TENM4: variants seen among roughly 807,000 people sequenced by gnomAD.
TENM4 encodes teneurin-4.
A neutral mutation model predicts 243.3 loss-of-function variants in TENM4; 82 were observed. The ratio of observed to expected loss-of-function variants is 0.34; its 90% confidence interval spans 0.28 to 0.40. The LOEUF is 0.40. TENM4 is among the 10% of genes least tolerant of loss of function. The pLI is 1.00. For missense variants in TENM4, 3,138 were observed against 3,673.3 expected, an observed-to-expected ratio of 0.85 and a Z score of 3.77; for synonymous variants, 1,412 against 1,456.3, an observed-to-expected ratio of 0.97 and a Z score of 0.69.
chr11:79,031,540 CTG>C (rs919932500), intron 6 of TENM4, among the ~76,000 whole-genome samples: 1 of 152,176 alleles, frequency 6.6e-6, no homozygotes, highest in African/African-American at 2.4e-5. Flanking sequence ...CTCACCGCTG[CTG>C]TCTCAGAATC....
At chr11:78,988,176 C>G (rs1336912726) in intron 6 of TENM4, among the ~76,000 whole-genome samples, 6 of 152,194 alleles carry the variant, frequency 3.9e-5, no homozygotes, top group Non-Finnish European at 7.3e-5. Flanking sequence ...CTGGAAGAAA[C>G]CAGCTGCCAT....
intron 1 of TENM4, among the ~76,000 whole-genome samples, chr11:79,410,056 CA>C (rs895012846): frequency 2.0e-5 from 3 of 152,032 alleles, no homozygotes; most frequent in Non-Finnish European, 2.9e-5. Context: ...AAAAAAATAG[CA>C]AAAAAACCCA....
At chr11:79,435,932 C>T (rs921123370) in intron 1 of TENM4, among the ~76,000 whole-genome samples, 36 of 152,178 alleles carry the variant, frequency 2.4e-4, no homozygotes, top group African/African-American at 8.7e-4. Flanking sequence ...CAATGAAGCA[C>T]AAATTCTAAC....
intron 6 of TENM4, among the ~76,000 whole-genome samples, chr11:78,973,763 A>T (rs75539129): frequency 0.096 from 14,478 of 151,124 alleles, 733 homozygotes; most frequent in Middle Eastern, 0.15. Flanking sequence ...TTTGCCATTA[A>T]ATATAATGGC....
intron 18 of TENM4, among the ~76,000 whole-genome samples, chr11:78,770,609 C>T (rs1012746909): frequency 6.6e-6 from 1 of 152,190 alleles, no homozygotes; most frequent in African/African-American, 2.4e-5. Context: ...CTGGGAGAAG[C>T]GTCCCTCTGC....
At chr11:78,957,370 C>A (rs776474276) in intron 6 of TENM4, among the ~76,000 whole-genome samples, 1 of 152,222 alleles carries the variant, frequency 6.6e-6, no homozygotes. Flanking sequence ...AGACAAAAAT[C>A]TCACTGGACC....
intron 4 of TENM4, among the ~76,000 whole-genome samples, chr11:79,098,486 G>C (rs1052885127): frequency 6.6e-6 from 1 of 152,182 alleles, no homozygotes; most frequent in African/African-American, 2.4e-5. Flanking sequence ...TAGAAAACAG[G>C]ACACTTAGCT....
chr11:78,849,059 T>G (rs567127648), intron 12 of TENM4, among the ~76,000 whole-genome samples: 1 of 152,326 alleles, frequency 6.6e-6, no homozygotes, highest in Admixed American at 6.5e-5. Flanking sequence ...CTAAATCCAC[T>G]GCAGGGCACC....
In TENM4 at chr11:79,139,118, CTATAAATAT is replaced by C. The variant is rs1565220207; in HGVS notation, c.-66+9583_-66+9591del. On this transcript the variant is annotated intron_variant, in intron 4 of 33. Coordinates refer to ENST00000278550, the MANE Select transcript of TENM4 (RefSeq NM_001098816.3). ...AATATATAAAATATATATTATATTTCTATAAATATATATTATATTTCTATAAATATATAA... is the reference window on the plus strand; with the variant it reads ...AATATATAAAATATATATTATATTTCATATTATATTTCTATAAATATATAA... Among the ~76,000 whole-genome samples the C allele has an allele frequency of 9.7e-4, 31 of 31,982 alleles. 3 individuals are homozygous for C. Among genetic ancestry groups the C allele is most frequent in the African/African-American group, 7.2e-3 (31 of 4,278 alleles). 21.0% of individuals were successfully genotyped at this position (31,982 alleles called of 152,430 possible). A position where few individuals can be genotyped will look rare whatever the true frequency, so the allele number is the denominator to read the frequency against.
intron 3 of TENM4, among the ~76,000 whole-genome samples, chr11:79,160,992 C>G (rs535446): frequency 0.49 from 74,454 of 152,010 alleles, 19,516 homozygotes; most frequent in Middle Eastern, 0.6. Context: ...ACTTCCTCTT[C>G]CACCACCTAC....
intron 6 of TENM4, among the ~76,000 whole-genome samples, chr11:78,905,835 G>A (rs1166594334): frequency 6.6e-6 from 1 of 152,224 alleles, no homozygotes; most frequent in Non-Finnish European, 1.5e-5. Flanking sequence ...AGGGAGTATT[G>A]GACGAGAAAG....
chr11:79,403,840 G>A (rs1411065664), intron 1 of TENM4, among the ~76,000 whole-genome samples: 1 of 152,168 alleles, frequency 6.6e-6, no homozygotes, highest in Admixed American at 6.5e-5. Flanking sequence ...TGGTTCACCA[G>A]TCTTATCTCA....
At chr11:79,099,116 C>T (rs1861157288) in intron 4 of TENM4, among the ~76,000 whole-genome samples, 2 of 152,122 alleles carry the variant, frequency 1.3e-5, no homozygotes, top group South Asian at 4.1e-4. Flanking sequence ...GCCACAAGGA[C>T]CTCTGAGCCT....
At chr11:79,204,388 T>C (rs1257949317) in intron 3 of TENM4, among the ~76,000 whole-genome samples, 2 of 152,214 alleles carry the variant, frequency 1.3e-5, no homozygotes, top group African/African-American at 4.8e-5. Flanking sequence ...AATTATTATT[T>C]TTTATTCATT....
In TENM4 at chr11:79,171,088, G is replaced by A. The variant is rs147302553; in HGVS notation, c.-162-22282C>T. Among the ~76,000 whole-genome samples, 5 of 152,280 alleles carry A rather than the reference G, an allele frequency of 3.3e-5. No homozygotes were observed. The East Asian group carries it at 7.7e-4, about 24-fold the overall frequency. ...TTACATGAAGGACATAAGCACAGAG[G>A]TAGAAGCACACAGAGGTCAGAGAGG... is the stretch of plus-strand genomic sequence containing the variant. On this transcript the variant is annotated intron_variant, in intron 3 of 33. Transcript: ENST00000278550.
chr11:79,434,326 A>G (rs913174187), intron 1 of TENM4, among the ~76,000 whole-genome samples: 1 of 152,168 alleles, frequency 6.6e-6, no homozygotes, highest in African/African-American at 2.4e-5. Context: ...GCTGTGGGGT[A>G]GAGTCTCAAC....
chr11:78,970,568 A>G (rs906124823), intron 6 of TENM4, among the ~76,000 whole-genome samples: 9 of 152,226 alleles, frequency 5.9e-5, no homozygotes, highest in African/African-American at 1.9e-4. Context: ...AGTCTGTAGC[A>G]ATGGAATAGT....
intron 6 of TENM4, among the ~76,000 whole-genome samples, chr11:79,059,438 T>C (rs1165963275): frequency 6.6e-6 from 1 of 152,200 alleles, no homozygotes; most frequent in East Asian, 1.9e-4. Flanking sequence ...TGCTCCTTTA[T>C]TGTCATCATC....
In TENM4 at chr11:78,836,382, T is replaced by C. The variant is rs138171329; in HGVS notation, c.1681+17722A>G. ...TAAACAAAAAAACAAGAAAAAAACCTTTCAGAAAAGAGCCTTAATTTTTCT... is the reference window on the plus strand; with the variant it reads ...TAAACAAAAAAACAAGAAAAAAACCCTTCAGAAAAGAGCCTTAATTTTTCT... On this transcript the variant is annotated intron_variant, in intron 12 of 33. Coordinates refer to ENST00000278550, the MANE Select transcript of TENM4 (RefSeq NM_001098816.3). Among the ~76,000 whole-genome samples, 817 of 152,228 alleles carry C rather than the reference T, an allele frequency of 5.4e-3. 8 individuals are homozygous for C. Among genetic ancestry groups the C allele is most frequent in the Non-Finnish European group, 6.9e-3 (467 of 68,014 alleles).
Sources: allele counts gnomAD v4.1 joint callset (sites outside exome capture counted in the v4.1 genomes callset), GRCh38; gene constraint gnomAD v4.1.1; transcripts MANE v1.5; gene names NCBI Gene and HGNC (gene_info 2026-07-23, HGNC 2026-07-21).